NPSR1: variants seen among roughly 807,000 people sequenced by gnomAD.
The protein encoded by NPSR1 is neuropeptide S receptor 1, also known as neuropeptide S receptor.
NPSR1 carries 48 observed loss-of-function variants against 46.9 expected under a neutral mutation model. The observed-to-expected ratio is 1.02, with a 90% confidence interval of 0.81 to 1.30. The LOEUF (loss-of-function observed/expected upper bound fraction) is 1.30, where lower values mean the gene tolerates loss of function less well. NPSR1 is among the 50% of genes most tolerant of loss of function. The pLI is 0.00. For missense variants in NPSR1, 450 were observed against 449.5 expected, an observed-to-expected ratio of 1.00 and a Z score of -0.01; for synonymous variants, 176 against 168.1, an observed-to-expected ratio of 1.05 and a Z score of -0.36.
At chr7:34,748,793 G>A (rs967581983) in intron 2 of NPSR1, among the ~76,000 whole-genome samples, 3 of 151,914 alleles carry the variant, frequency 2.0e-5, no homozygotes, top group Non-Finnish European at 2.9e-5. Context: ...TGGGATTGGC[G>A]GAAGGGGGCA....
intron 4 of NPSR1, among the ~76,000 whole-genome samples, chr7:34,825,233 G>C (rs988999182): frequency 6.6e-6 from 1 of 152,160 alleles, no homozygotes; most frequent in African/African-American, 2.4e-5. Context: ...TATCAGTCTA[G>C]ACTACCTTCT....
intron 2 of NPSR1, among the ~76,000 whole-genome samples, chr7:34,690,743 C>A (rs114452407): frequency 4.6e-4 from 70 of 151,978 alleles, no homozygotes; most frequent in African/African-American, 1.6e-3. Flanking sequence ...TGTAAAGCAC[C>A]CAAACCTACA....
intron 3 of NPSR1, among the ~76,000 whole-genome samples, chr7:34,799,112 T>C (rs1788344612): frequency 6.6e-6 from 1 of 152,120 alleles, no homozygotes; most frequent in South Asian, 2.1e-4. Context: ...AATTGGAGCA[T>C]AAATTATTAA....
chr7:34,798,423 T>TACTC (rs1222024516), intron 3 of NPSR1, among the ~76,000 whole-genome samples: 1 of 152,004 alleles, frequency 6.6e-6, no homozygotes, highest in Middle Eastern at 3.2e-3. Flanking sequence ...TAATCCCAGC[T>TACTC]ACTCGGGAGG....
intron 5 of NPSR1, among the ~76,000 whole-genome samples, chr7:34,828,152 G>T (rs967881738): frequency 6.6e-6 from 1 of 152,188 alleles, no homozygotes; most frequent in South Asian, 2.1e-4. Flanking sequence ...TCAGATAATG[G>T]CAGGGAATAT....
chr7:34,833,794 C>G (rs929414672), intron 5 of NPSR1, among the ~76,000 whole-genome samples: 6 of 152,146 alleles, frequency 3.9e-5, no homozygotes. Flanking sequence ...AGGTCCTTAG[C>G]AGAATTCATT....
intron 2 of NPSR1, among the ~76,000 whole-genome samples, chr7:34,734,621 AG>A (rs1222848545): frequency 6.6e-6 from 1 of 152,226 alleles, no homozygotes; most frequent in African/African-American, 2.4e-5. Context: ...GGTTGGGAAA[AG>A]TAAGTCTTCT....
chr7:34,683,056 C>T (rs1792729750), intron 1 of NPSR1, among the ~76,000 whole-genome samples: 1 of 152,180 alleles, frequency 6.6e-6, no homozygotes. Context: ...CCCTGACCTC[C>T]ACCTAGGATC....
At chr7:34,867,893 G>T (rs1380687355) in intron 8 of NPSR1, among the ~76,000 whole-genome samples, 2 of 151,864 alleles carry the variant, frequency 1.3e-5, no homozygotes, top group African/African-American at 4.9e-5. Flanking sequence ...AAGTAATAAG[G>T]TATGCCTGCC....
In NPSR1 at chr7:34,787,699, G is replaced by T. The variant is rs191492509; in HGVS notation, c.384+9134G>T. 3.3e-5 allele frequency among the ~76,000 whole-genome samples: 5 copies of T among 152,192 alleles called. No individual in the cohort carries two copies. In the East Asian group the frequency reaches 9.6e-4, roughly 29 times the overall value. On this transcript the variant is annotated intron_variant, in intron 3 of 8. Transcript: ENST00000360581. ...TTATTGGCTTAATTTCAATATTACT[G>T]TGTCTCAGAGAATAGGAACAGCTGA...
intron 2 of NPSR1, among the ~76,000 whole-genome samples, chr7:34,700,282 G>A (rs1408627843): frequency 1.3e-5 from 2 of 152,172 alleles, no homozygotes; most frequent in African/African-American, 4.8e-5. Flanking sequence ...GATGAATACT[G>A]CAGAGGTAGT....
At chr7:34,849,065 A>G (rs780735815) in intron 8 of NPSR1, among the ~76,000 whole-genome samples, 5 of 152,242 alleles carry the variant, frequency 3.3e-5, no homozygotes, top group Non-Finnish European at 5.9e-5. Flanking sequence ...ATGAATAATT[A>G]GCAGAGCTGA....
At chr7:34,739,844 T>G (rs1314802477) in intron 2 of NPSR1, among the ~76,000 whole-genome samples, 2 of 152,138 alleles carry the variant, frequency 1.3e-5, no homozygotes, top group Admixed American at 6.5e-5. Context: ...AAGTTCCTTA[T>G]TTTTGGTTGT....
chr7:34,848,512 C>A lies in NPSR1; in HGVS notation c.874C>A (p.Leu292Met). ...AFICCWSPYFLFDILDNFNLL... is the reference protein window; with the variant it reads ...AFICCWSPYFMFDILDNFNLL... The stretch of plus-strand genomic sequence containing the variant: ...CATCTGCTGTTGGAGTCCATACTTC[C>A]TGTTTGACATTTTGGACAATTTCAA... Residue 292 changes from leucine to methionine, a missense_variant, in exon 8 of 9, where the codon CTG (leucine) becomes ATG (methionine). Transcript: ENST00000360581. 1 of 1,614,172 alleles carries A rather than the reference C, an allele frequency of 6.2e-7. No individual in the cohort carries two copies. Among genetic ancestry groups the A allele is most frequent in the Non-Finnish European group, 8.5e-7 (1 of 1,180,032 alleles).
chr7:34,678,336 C>T (rs955784302), intron 1 of NPSR1, among the ~76,000 whole-genome samples: 3 of 150,658 alleles, frequency 2.0e-5, no homozygotes, highest in African/African-American at 7.3e-5. Context: ...ATTCTCCTGG[C>T]TCAGCCTCCC....
intron 6 of NPSR1, among the ~76,000 whole-genome samples, chr7:34,835,883 C>T (rs1359534933): frequency 6.6e-6 from 1 of 152,168 alleles, no homozygotes; most frequent in Non-Finnish European, 1.5e-5. Context: ...GACACCATTC[C>T]CTGAGAGATT....
intron 1 of NPSR1, among the ~76,000 whole-genome samples, chr7:34,682,964 C>T (rs933626285): frequency 2.0e-5 from 3 of 152,048 alleles, no homozygotes; most frequent in Non-Finnish European, 4.4e-5. Context: ...TGTCATCCTC[C>T]CACTCTAGTT....
chr7:34,728,035 AAAAC>A (rs2128712055), intron 2 of NPSR1, among the ~76,000 whole-genome samples: 1 of 151,314 alleles, frequency 6.6e-6, no homozygotes, highest in Non-Finnish European at 1.5e-5. Context: ...TCTGGGAAGA[AAAAC>A]AAAAAACTGC....
intron 4 of NPSR1, among the ~76,000 whole-genome samples, chr7:34,812,940 G>C (rs1296064127): frequency 6.6e-6 from 1 of 152,148 alleles, no homozygotes; most frequent in Admixed American, 6.5e-5. Flanking sequence ...AGAATTTTAG[G>C]ATAAATATAA....
Sources: gnomAD v4.1 joint callset for allele counts (sites outside exome capture counted in the v4.1 genomes callset) on GRCh38, gnomAD v4.1.1 for gene constraint, MANE v1.5 for transcripts, NCBI Gene and HGNC (gene_info 2026-07-23, HGNC 2026-07-21) for gene names.